The following SLIT3 variants were observed in gnomAD, a reference collection of about 807,000 sequenced individuals.
The protein encoded by SLIT3 is slit homolog 3 protein.
In SLIT3, 68 loss-of-function variants were observed where a neutral mutation model predicts 184.0. The ratio of observed to expected loss-of-function variants is 0.37; its 90% CI spans 0.30 to 0.45. SLIT3 has a LOEUF of 0.45. Among genes scored for constraint, SLIT3 ranks in the 20% least tolerant of loss-of-function variants. The pLI, the probability that SLIT3 is intolerant of heterozygous loss-of-function variation, is 1.00. For missense variants in SLIT3, 1,707 were observed against 2,026.0 expected (o/e 0.84, Z 3.02); for synonymous variants, 831 against 828.6 (o/e 1.00, Z -0.05).
rs567654187 is a variant in SLIT3 at position 168,865,784 on chromosome 5, T to C, written c.485+17481A>G. ...AATTGCTATCATTTGGTTTATGTCC[T>C]TCAGGCTTTTTTCCCCATGCAAATA... is the stretch of plus-strand genomic sequence containing the variant. On this transcript the variant is annotated intron_variant, in intron 5 of 35. Coordinates refer to ENST00000519560, the MANE Select transcript of SLIT3 (RefSeq NM_003062.4). Among the ~76,000 whole-genome samples the C allele has an allele frequency of 1.8e-3, 275 of 152,330 alleles. 1 individual carries two copies. Among genetic ancestry groups the C allele is most frequent in the African/African-American group, 6.3e-3 (261 of 41,588 alleles).
At chr5:169,116,263 G>A (rs1334752881) in intron 4 of SLIT3, among the ~76,000 whole-genome samples, 1 of 152,214 alleles carries the variant, frequency 6.6e-6, no homozygotes, top group Admixed American at 6.5e-5. Context: ...TGAGCAGAGA[G>A]GTGAGCAGAC....
At chr5:168,860,855 A>G (rs1759077066) in intron 5 of SLIT3, among the ~76,000 whole-genome samples, 1 of 152,164 alleles carries the variant, frequency 6.6e-6, no homozygotes. Flanking sequence ...CTTTGGCCCC[A>G]GCTTTCCCCT....
At chr5:168,732,302 G>C (rs1465495088) in intron 20 of SLIT3, among the ~76,000 whole-genome samples, 2 of 152,082 alleles carry the variant, frequency 1.3e-5, no homozygotes, top group Admixed American at 6.6e-5. Context: ...ACTGATGGAA[G>C]AAATTGTAGA....
chr5:168,938,640 A>T (rs75119282), intron 4 of SLIT3, among the ~76,000 whole-genome samples: 5,371 of 151,696 alleles, frequency 0.035, 154 homozygotes, highest in African/African-American at 0.068. Context: ...GATTATTATT[A>T]TTTTTTTTGA....
chr5:169,198,253 G>C (rs929752922), intron 3 of SLIT3, among the ~76,000 whole-genome samples: 4 of 152,246 alleles, frequency 2.6e-5, no homozygotes, highest in South Asian at 2.1e-4. Flanking sequence ...GAAAGCGAAG[G>C]TGTCGTGGGA....
At chr5:169,005,919 T>C (rs543663555) in intron 4 of SLIT3, among the ~76,000 whole-genome samples, 36 of 152,366 alleles carry the variant, frequency 2.4e-4, no homozygotes, top group African/African-American at 7.9e-4. Flanking sequence ...AGCAGGGCCA[T>C]AGGAACTTCA....
At chr5:169,072,743 C>G (rs967346065) in intron 4 of SLIT3, among the ~76,000 whole-genome samples, 2 of 152,224 alleles carry the variant, frequency 1.3e-5, no homozygotes, top group African/African-American at 4.8e-5. Context: ...TTCTGCACGG[C>G]TGGAGGCACT....
rs1025167119 is a variant in SLIT3 at position 168,846,652 on chromosome 5, T to C, written c.486-1997A>G. Among the ~76,000 whole-genome samples, 8 of 152,322 alleles carry C rather than the reference T, an allele frequency of 5.3e-5. No individual in the cohort carries two copies. In the South Asian group the frequency reaches 1.7e-3, roughly 32 times the overall value. On this transcript the variant is annotated intron_variant, in intron 5 of 35. Transcript: ENST00000519560. ...GCAAAAATGGCACCATCCGCCTAAG[T>C]AGAAAAGGATCTAAATCATCACATT... is the stretch of plus-strand genomic sequence containing the variant.
intron 3 of SLIT3, among the ~76,000 whole-genome samples, chr5:169,226,965 A>T: frequency 6.6e-6 from 1 of 152,152 alleles, no homozygotes; most frequent in East Asian, 1.9e-4. Context: ...TGCATACTTC[A>T]CACCCCTCGG....
chr5:168,669,490 C>G (rs10475884), intron 35 of SLIT3, among the ~76,000 whole-genome samples: 33,019 of 152,156 alleles, frequency 0.22, 3,728 homozygotes, highest in African/African-American at 0.24. Flanking sequence ...ATCCCAGCTA[C>G]GCTCTTTCTG....
chr5:169,202,792 C>A (rs1337552092), intron 3 of SLIT3, among the ~76,000 whole-genome samples: 5 of 151,952 alleles, frequency 3.3e-5, no homozygotes, highest in Non-Finnish European at 7.4e-5. Flanking sequence ...AAAGCCCCCC[C>A]ACCCCACCCC....
At chr5:168,828,874 T>G (rs1346754648) in intron 6 of SLIT3, among the ~76,000 whole-genome samples, 1 of 152,158 alleles carries the variant, frequency 6.6e-6, no homozygotes, top group African/African-American at 2.4e-5. Context: ...ATAGAGCCTT[T>G]ACTTAAGTGT....
intron 1 of SLIT3, among the ~76,000 whole-genome samples, chr5:169,282,244 C>T (rs1172255089): frequency 6.6e-6 from 1 of 152,188 alleles, no homozygotes; most frequent in Non-Finnish European, 1.5e-5. Flanking sequence ...TCGTCATTGT[C>T]TTAGCAACTG....
intron 1 of SLIT3, among the ~76,000 whole-genome samples, chr5:169,264,124 A>C (rs1458277132): frequency 6.6e-6 from 1 of 152,014 alleles, no homozygotes; most frequent in Non-Finnish European, 1.5e-5. Context: ...AGATAAAGTG[A>C]CCATGCAGAG....
chr5:168,946,046 C>T (rs1462675340), intron 4 of SLIT3, among the ~76,000 whole-genome samples: 2 of 152,172 alleles, frequency 1.3e-5, no homozygotes, highest in Non-Finnish European at 1.5e-5. Context: ...TTAATTCTTA[C>T]GACAATGCTA....
intron 4 of SLIT3, among the ~76,000 whole-genome samples, chr5:169,007,396 C>G (rs2113444349): frequency 6.6e-6 from 1 of 152,300 alleles, no homozygotes. Context: ...GGGCTCTGCC[C>G]TGATCACCAA....
At chr5:168,803,579 T>C (rs1210607574) in intron 9 of SLIT3, among the ~76,000 whole-genome samples, 2 of 152,040 alleles carry the variant, frequency 1.3e-5, no homozygotes, top group Non-Finnish European at 2.9e-5. Context: ...ACTGAGAGTA[T>C]AGAGATGTGA....
intron 3 of SLIT3, among the ~76,000 whole-genome samples, chr5:169,215,683 A>G (rs1304205644): frequency 6.6e-6 from 1 of 152,182 alleles, no homozygotes; most frequent in Non-Finnish European, 1.5e-5. Context: ...CCCTGGCCCG[A>G]TCAGAATGCT....
At chr5:168,913,988 C>G (rs536247876) in intron 4 of SLIT3, among the ~76,000 whole-genome samples, 1 of 152,238 alleles carries the variant, frequency 6.6e-6, no homozygotes, top group South Asian at 2.1e-4. Flanking sequence ...AACTGTGTAT[C>G]TTACAGTATC....
Sources: gnomAD v4.1 joint callset for allele counts (sites outside exome capture counted in the v4.1 genomes callset) on GRCh38, gnomAD v4.1.1 for gene constraint, MANE v1.5 for transcripts, NCBI Gene and HGNC (gene_info 2026-07-23, HGNC 2026-07-21) for gene names.